Variants in PTP4A3 observed in about 807,000 individuals in gnomAD.
PTP4A3 encodes protein tyrosine phosphatase 4A3.
PTP4A3 carries 9 observed loss-of-function variants against 15.2 expected under a neutral mutation model. The ratio of observed to expected loss-of-function variants is 0.59; its 90% CI spans 0.36 to 1.03. The LOEUF (loss-of-function observed/expected upper bound fraction) is 1.03. PTP4A3 is among the 50% of genes least tolerant of loss of function. The probability of loss-of-function intolerance (pLI) is 0.02; values close to 1 mark genes in which losing one functional copy is unlikely to be tolerated. For missense variants in PTP4A3, 234 were observed against 252.1 expected, an observed-to-expected ratio of 0.93 and a Z score of 0.49; for synonymous variants, 95 against 102.0, an observed-to-expected ratio of 0.93 and a Z score of 0.41.
chr8:141,401,638 C>A (rs905976675), intron 1 of PTP4A3, among the ~76,000 whole-genome samples: 2 of 152,220 alleles, frequency 1.3e-5, no homozygotes, highest in African/African-American at 4.8e-5. Context: ...TACCCCTCCC[C>A]CTGGCCTCCC....
At chr8:141,419,479 C>T (rs1002140962) in intron 1 of PTP4A3, among the ~76,000 whole-genome samples, 13 of 152,224 alleles carry the variant, frequency 8.5e-5, no homozygotes, top group African/African-American at 3.1e-4. Flanking sequence ...GCCTGTGCTC[C>T]CTCCAGTCGG....
In PTP4A3 at chr8:141,431,639, C is replaced by G. The variant is rs1029808684; in HGVS notation, c.*595C>G. ...AGGATGGGGCTCCCGCGTGCTCTTGCGCTGCCCTCTGGTGGCCGCTCTGGG... is the reference window on the plus strand; with the variant it reads ...AGGATGGGGCTCCCGCGTGCTCTTGGGCTGCCCTCTGGTGGCCGCTCTGGG... On this transcript the variant is annotated 3_prime_UTR_variant, in exon 6 of 6. Coordinates refer to ENST00000521578, the MANE Select transcript of PTP4A3 (RefSeq NM_032611.3). The G allele has an allele frequency of 6.6e-6, 1 of 152,560 alleles. No individual in the cohort carries two copies. Among genetic ancestry groups the G allele is most frequent in the Non-Finnish European group, 1.5e-5 (1 of 68,372 alleles). The allele number at this position is 152,560 out of a possible 1,614,324, so 9.5% of individuals were successfully genotyped here.
chr8:141,404,053 C>T (rs556773758), intron 1 of PTP4A3, among the ~76,000 whole-genome samples: 1 of 152,396 alleles, frequency 6.6e-6, no homozygotes, highest in South Asian at 2.1e-4. Context: ...CCATGCACAG[C>T]CACACCCACT....
At chr8:141,416,269 G>A (rs1379110407) in intron 1 of PTP4A3, among the ~76,000 whole-genome samples, 3 of 152,104 alleles carry the variant, frequency 2.0e-5, no homozygotes, top group Non-Finnish European at 2.9e-5. Flanking sequence ...CAGAGGGCTA[G>A]GGTGGGGATA....
Position 141,427,058 on chromosome 8 carries a change from G to A in PTP4A3, c.318G>A (p.Ala106=), listed in dbSNP as rs1292953571. The A allele has an allele frequency of 1.9e-6, 3 of 1,598,834 alleles. No homozygotes were observed. The highest frequency in any genetic ancestry group is 2.5e-6 in the Non-Finnish European group (3 of 1,179,478). The part of the protein sequence containing the change: ...PGSCVAVHCV[A]GLGRAPVLVA... The stretch of plus-strand genomic sequence containing the variant: ...GCTGCGTGGCTGTGCACTGCGTGGC[G>A]GGCCTGGGCCGGTGAGTGTCGGGGC... The change falls in exon 4 of 6, where the codon GCG becomes GCA. Residue 106 remains alanine (A), a synonymous_variant. Transcript: ENST00000521578.
At position 141,408,868 on chromosome 8, in the gene PTP4A3, G is replaced by A. The variant is rs148005792; in HGVS notation, c.-853-12520G>A. On this transcript the variant is annotated intron_variant, in intron 1 of 5. Coordinates refer to ENST00000521578, the MANE Select transcript of PTP4A3 (RefSeq NM_032611.3). ...AGGGCAGGGCAGGAGCTTGGTGTGCGCTAGAGACTAGAGTGAGAAGGCCCT... is the reference window on the plus strand; with the variant it reads ...AGGGCAGGGCAGGAGCTTGGTGTGCACTAGAGACTAGAGTGAGAAGGCCCT... Among the ~76,000 whole-genome samples, 829 of 152,316 alleles carry A rather than the reference G, an allele frequency of 5.4e-3. 8 individuals carry two copies. The highest frequency in any genetic ancestry group is 0.014 in the Middle Eastern group (4 of 294).
At chr8:141,409,532 A>C (rs1263837997) in intron 1 of PTP4A3, among the ~76,000 whole-genome samples, 1 of 152,174 alleles carries the variant, frequency 6.6e-6, no homozygotes, top group African/African-American at 2.4e-5. Flanking sequence ...CTGTGCAGGC[A>C]GGGCATAAGA....
intron 5 of PTP4A3, 80 bp from the exon 6 acceptor site, chr8:141,430,847 C>A: frequency 7.1e-7 from 1 of 1,410,988 alleles, no homozygotes. Flanking sequence ...ACTGCACTCT[C>A]AGATTCCAGC....
chr8:141,403,372 G>C (rs1832645800), intron 1 of PTP4A3, among the ~76,000 whole-genome samples: 1 of 152,210 alleles, frequency 6.6e-6, no homozygotes, highest in South Asian at 2.1e-4. Context: ...AGAGTCCCGA[G>C]CCTGGGGAGA....
At chr8:141,413,380 A>G (rs1020578074) in intron 1 of PTP4A3, among the ~76,000 whole-genome samples, 17 of 152,180 alleles carry the variant, frequency 1.1e-4, no homozygotes, top group African/African-American at 3.4e-4. Context: ...GGCACTGGCT[A>G]AATGGGGCCC....
At chr8:141,418,220 A>C in intron 1 of PTP4A3, among the ~76,000 whole-genome samples, 1 of 152,176 alleles carries the variant, frequency 6.6e-6, no homozygotes, top group South Asian at 2.1e-4. Flanking sequence ...ACCGCGGCGC[A>C]GCTTACTTCT....
chr8:141,425,055 A>T lies in PTP4A3; in HGVS notation c.113A>T (p.Lys38Met). ...ATLSTFIEDL[K>M]KYGATTVVRV... ...CCGTCCTCCCACCCCCAGGACCTGA[A>T]GAAGTACGGGGCTACCACTGTGGTG... The change falls in exon 3 of 6, where the codon AAG (lysine) becomes ATG (methionine). Residue 38 changes from lysine (K) to methionine (M), a missense_variant. Lys to Met is a moderately conservative substitution (Grantham distance 95). Coordinates refer to ENST00000521578, the MANE Select transcript of PTP4A3 (RefSeq NM_032611.3). The surrounding 1 kb of genome is among the most constrained non-coding windows in gnomAD (Gnocchi z 4.2). 6.2e-7 allele frequency: 1 copy of T among 1,612,994 alleles called. No homozygotes were observed. The highest frequency in any genetic ancestry group is 8.5e-7 in the Non-Finnish European group (1 of 1,179,694).
chr8:141,393,906 G>A (rs1010922661), intron 1 of PTP4A3, among the ~76,000 whole-genome samples: 1 of 152,202 alleles, frequency 6.6e-6, no homozygotes, highest in African/African-American at 2.4e-5. Flanking sequence ...GATGACATGA[G>A]GGCATGCTTA....
At chr8:141,395,217 G>C (rs1017350639) in intron 1 of PTP4A3, among the ~76,000 whole-genome samples, 4 of 152,208 alleles carry the variant, frequency 2.6e-5, no homozygotes, top group African/African-American at 9.6e-5. Context: ...GTGTGCGCGT[G>C]TCTCCCCTCC....
At chr8:141,395,022 C>T (rs1028347146) in intron 1 of PTP4A3, among the ~76,000 whole-genome samples, 6 of 152,224 alleles carry the variant, frequency 3.9e-5, no homozygotes, top group African/African-American at 9.6e-5. Flanking sequence ...GGGACAGGGA[C>T]GGGTGCTTCC....
chr8:141,427,894 T>C (rs1297081237), intron 5 of PTP4A3, 70 bp downstream of exon 5: 5 of 1,384,776 alleles, frequency 3.6e-6, no homozygotes, highest in Non-Finnish European at 4.9e-6. Context: ...CCACGAAGGG[T>C]GGCGGCATTG....
intron 1 of PTP4A3, among the ~76,000 whole-genome samples, chr8:141,411,613 T>A (rs1832871419): frequency 6.6e-6 from 1 of 152,348 alleles, no homozygotes; most frequent in African/African-American, 2.4e-5. Context: ...CGTGCAGGGC[T>A]GGCTATTTTG....
intron 2 of PTP4A3, among the ~76,000 whole-genome samples, 180 bp downstream of exon 2, chr8:141,422,525 C>T (rs1349662602): frequency 2.6e-5 from 4 of 151,312 alleles, no homozygotes; most frequent in South Asian, 2.1e-4. Flanking sequence ...GGGGGTGCCC[C>T]GGGGGTTGGG....
At position 141,425,149 on chromosome 8, in the gene PTP4A3, C is replaced by T. The variant is rs534935806; in HGVS notation, c.198+9C>T. 4.9e-5 allele frequency: 76 copies of T among 1,561,862 alleles called. 1 individual carries two copies. In the East Asian group the frequency reaches 6.9e-4, roughly 14 times the overall value. ...ATGGCATCACCGTTGTGGTGAGGCG[C>T]GCGCCACGGGGACCCTAGTCACTGC... On this transcript the variant is annotated intron_variant, in intron 3 of 5. Coordinates refer to ENST00000521578, the MANE Select transcript of PTP4A3 (RefSeq NM_032611.3). The surrounding 1 kb of genome is among the most constrained non-coding windows in gnomAD (Gnocchi z 4.2).
Sources: allele counts gnomAD v4.1 joint callset (sites outside exome capture counted in the v4.1 genomes callset), GRCh38; gene constraint gnomAD v4.1.1; non-coding constraint Gnocchi (gnomAD v3.1); transcripts MANE v1.5; gene names NCBI Gene and HGNC (gene_info 2026-07-23, HGNC 2026-07-21).